DENND10: variants seen among roughly 807,000 people sequenced by gnomAD.
The protein encoded by DENND10 is DENN domain containing 10.
In DENND10, 24 loss-of-function variants were observed where a neutral mutation model predicts 43.6. The ratio of observed to expected loss-of-function variants is 0.55; its 90% CI spans 0.40 to 0.77. The LOEUF is 0.77. Ranked by LOEUF, DENND10 falls within the 30% of genes least tolerant of loss-of-function variation. DENND10 has a pLI of 0.00. For synonymous variants in DENND10, 125 were observed against 157.6 expected (o/e 0.79, Z 1.55); for missense variants, 303 against 429.9 (o/e 0.70, Z 2.61).
chr10:119,129,432 G>T, intron 6 of DENND10, 83 bp from the exon 7 acceptor site: 1 of 839,308 alleles, frequency 1.2e-6, no homozygotes, highest in South Asian at 1.4e-5. Flanking sequence ...GAGAGCAGTC[G>T]ATGAGCTTTT....
chr10:119,120,573 C>A, intron 5 of DENND10, 121 bp downstream of exon 5: 1 of 674,780 alleles, frequency 1.5e-6, no homozygotes, highest in South Asian at 1.7e-5. Context: ...TGAAATACCA[C>A]CTTTGGTCTG....
In DENND10 at chr10:119,136,607, T is replaced by C. The variant is rs747854422; in HGVS notation, c.1034T>C (p.Leu345Pro). Residue 345 changes from leucine to proline, a missense_variant, in exon 9 of 9, where the codon CTT becomes CCT. Leu to Pro is a moderately conservative substitution (Grantham distance 98). Coordinates refer to ENST00000361432, the MANE Select transcript of DENND10 (RefSeq NM_207009.4). The stretch of plus-strand genomic sequence containing the variant: ...TTTCCACCAGCAACAGAAAACTTCC[T>C]TTATCATCTAGCAGCAGCCGAACAA... ...KRFPPATENF[L>P]YHLAAAEQML... 1 of 1,566,410 alleles carries C rather than the reference T, an allele frequency of 6.4e-7. No homozygotes were observed. The highest frequency in any genetic ancestry group is 8.7e-7 in the Non-Finnish European group (1 of 1,154,892).
chr10:119,120,663 C>G (rs1435674842), intron 5 of DENND10, among the ~76,000 whole-genome samples: 1 of 152,216 alleles, frequency 6.6e-6, no homozygotes, highest in East Asian at 1.9e-4. Flanking sequence ...GATTAGCAAA[C>G]TTTTCCTTGC....
At chr10:119,126,658 T>C (rs1392008555) in intron 6 of DENND10, among the ~76,000 whole-genome samples, 2 of 151,566 alleles carry the variant, frequency 1.3e-5, no homozygotes, top group African/African-American at 2.4e-5. Context: ...AGAGACAGGG[T>C]TTCACCATAT....
At chr10:119,109,259 C>T (rs1368389958) in intron 2 of DENND10, among the ~76,000 whole-genome samples, 1 of 150,988 alleles carries the variant, frequency 6.6e-6, no homozygotes, top group Non-Finnish European at 1.5e-5. Context: ...TTTAAGGCAG[C>T]TTGTGTATTA....
intron 4 of DENND10, among the ~76,000 whole-genome samples, chr10:119,120,077 G>A (rs776003936): frequency 2.0e-5 from 3 of 149,898 alleles, no homozygotes; most frequent in African/African-American, 4.9e-5. Context: ...GTGAAACCCC[G>A]TCTCTACTAA....
At chr10:119,119,010 ATTTTTTT>A (rs35810229) in intron 4 of DENND10, among the ~76,000 whole-genome samples, 1 of 142,090 alleles carries the variant, frequency 7.0e-6, no homozygotes, top group Non-Finnish European at 1.5e-5. Context: ...CACCCAGCTA[ATTTTTTT>A]TTTTTTTTTC....
At chr10:119,107,801 A>G in intron 1 of DENND10, 167 bp from the exon 2 acceptor site, 1 of 655,858 alleles carries the variant, frequency 1.5e-6, no homozygotes, top group Non-Finnish European at 2.7e-6. Context: ...TGACAGCTAG[A>G]TAATTTGAGC....
At chr10:119,123,124 C>T (rs1003215778) in intron 5 of DENND10, among the ~76,000 whole-genome samples, 10 of 152,134 alleles carry the variant, frequency 6.6e-5, no homozygotes, top group Non-Finnish European at 1.3e-4. Context: ...AAACATTAAC[C>T]GGGCCGTGGT....
In DENND10 at chr10:119,136,713, C is replaced by G; in HGVS notation, c.*66C>G. ...CTCTTTCACTCTGATTACCCACTCACTACATGAAGTCCTGAAAATAACAGA... is the reference window on the plus strand; with the variant it reads ...CTCTTTCACTCTGATTACCCACTCAGTACATGAAGTCCTGAAAATAACAGA... On this transcript the variant is annotated 3_prime_UTR_variant, in exon 9 of 9. Transcript: ENST00000361432. 1 of 718,822 alleles carries G rather than the reference C, an allele frequency of 1.4e-6. No individual in the cohort carries two copies. Among genetic ancestry groups the G allele is most frequent in the Non-Finnish European group, 2.2e-6 (1 of 446,860 alleles). The allele number at this position is 718,822 out of a possible 1,614,324, so 44.5% of individuals were successfully genotyped here.
chr10:119,118,647 T>C (rs1845408296), intron 4 of DENND10, among the ~76,000 whole-genome samples: 1 of 151,994 alleles, frequency 6.6e-6, no homozygotes, highest in Non-Finnish European at 1.5e-5. Context: ...GTAATTATAC[T>C]GGGGGACATG....
chr10:119,105,501 T>C, intron 1 of DENND10: 1 of 1,176,882 alleles, frequency 8.5e-7, no homozygotes, highest in Non-Finnish European at 1.1e-6. Flanking sequence ...TCCAGGTGGA[T>C]TACTGTATTT....
chr10:119,110,696 C>G (rs972629242), intron 2 of DENND10, among the ~76,000 whole-genome samples: 1 of 152,000 alleles, frequency 6.6e-6, no homozygotes, highest in African/African-American at 2.4e-5. Flanking sequence ...ACCTTGTGAT[C>G]CACCTGCCTC....
intron 6 of DENND10, among the ~76,000 whole-genome samples, chr10:119,124,698 A>T (rs1845749173): frequency 6.6e-6 from 1 of 152,022 alleles, no homozygotes; most frequent in Admixed American, 6.6e-5. Flanking sequence ...TTACCTTTTT[A>T]ACCATTGGTA....
Position 119,117,583 on chromosome 10 carries a change from GGGATAT to G in DENND10, c.399_404del (p.Ile134_Cys135del). 1 of 1,614,082 alleles carries G rather than the reference GGGATAT, an allele frequency of 6.2e-7. No homozygotes were observed. The highest frequency in any genetic ancestry group is 8.5e-7 in the Non-Finnish European group (1 of 1,179,972). ...GAGTTATATTGCAGTTCTCACAAAG[GGGATAT>G]GCCAGAGTGAAGAAAACGGCTCTTT... On this transcript the variant is annotated inframe_deletion, in exon 4 of 9. Coordinates refer to ENST00000361432, the MANE Select transcript of DENND10 (RefSeq NM_207009.4).
chr10:119,136,909 A>T lies in DENND10; in HGVS notation c.*262A>T. 1 of 361,098 alleles carries T rather than the reference A, an allele frequency of 2.8e-6. No homozygotes were observed. Among genetic ancestry groups the T allele is most frequent in the Non-Finnish European group, 5.2e-6 (1 of 192,556 alleles). The allele number at this position is 361,098 out of a possible 1,614,324, so 22.4% of individuals were successfully genotyped here. A position where few individuals can be genotyped will look rare whatever the true frequency, so the allele number is the denominator to read the frequency against. On this transcript the variant is annotated 3_prime_UTR_variant, in exon 9 of 9. Coordinates refer to ENST00000361432, the MANE Select transcript of DENND10 (RefSeq NM_207009.4). ...CTTTATGTAACATTACAGAACAGCTAGAGGTCCTGGGGTAAGAGAAAAAAA... is the reference window on the plus strand; with the variant it reads ...CTTTATGTAACATTACAGAACAGCTTGAGGTCCTGGGGTAAGAGAAAAAAA...
intron 3 of DENND10, among the ~76,000 whole-genome samples, chr10:119,116,023 C>T (rs890826347): frequency 2.0e-5 from 3 of 152,168 alleles, no homozygotes; most frequent in Non-Finnish European, 4.4e-5. Context: ...CTTGGCCTCC[C>T]AAAGTGCCGT....
At chr10:119,107,060 TCC>T (rs1184363134) in intron 1 of DENND10, among the ~76,000 whole-genome samples, 1 of 151,824 alleles carries the variant, frequency 6.6e-6, no homozygotes, top group East Asian at 1.9e-4. Flanking sequence ...AAAGAATTAT[TCC>T]GCCCAGCACT....
At position 119,123,480 on chromosome 10, in the gene DENND10, C is replaced by T. The variant is rs762928084; in HGVS notation, c.605C>T (p.Ala202Val). 1.1e-5 allele frequency: 18 copies of T among 1,613,316 alleles called. No individual in the cohort carries two copies. In the East Asian group the frequency reaches 3.8e-4, roughly 34 times the overall value. Residue 202 changes from alanine (A) to valine (V), a missense_variant, in exon 6 of 9, where the codon GCC (alanine) becomes GTC (valine). Physicochemically the swap from Ala to Val is moderately conservative, Grantham distance 64 (BLOSUM62 0). Coordinates refer to ENST00000361432, the MANE Select transcript of DENND10 (RefSeq NM_207009.4). ...CCTTGATTCCCCAGGACTCTGCCTG[C>T]CCTGGTGTGGCACCGACAGGACTGG... The part of the protein sequence containing the change: ...AVQEFTRTLP[A>V]LVWHRQDWTI...
Sources: allele counts gnomAD v4.1 joint callset (sites outside exome capture counted in the v4.1 genomes callset), GRCh38; gene constraint gnomAD v4.1.1; transcripts MANE v1.5; gene names NCBI Gene and HGNC (gene_info 2026-07-23, HGNC 2026-07-21).